The following GDAP1 variants were observed in gnomAD, a reference collection of about 807,000 sequenced individuals.
GDAP1 encodes the protein ganglioside-induced differentiation-associated protein 1.
In GDAP1, 34 loss-of-function variants were observed where a neutral mutation model predicts 40.1. That is an observed-to-expected ratio of 0.85 (90% CI 0.64 to 1.13). The LOEUF (loss-of-function observed/expected upper bound fraction) is 1.13. GDAP1 is among the 50% of genes most tolerant of loss of function. The pLI is 0.00. For missense variants in GDAP1, 374 were observed against 433.7 expected, an observed-to-expected ratio of 0.86 and a Z score of 1.22; for synonymous variants, 170 against 157.4, an observed-to-expected ratio of 1.08 and a Z score of -0.60.
At chr8:74,468,171 G>A (rs573356074) in intron 2 of GDAP1, among the ~76,000 whole-genome samples, 3 of 151,390 alleles carry the variant, frequency 2.0e-5, no homozygotes, top group Non-Finnish European at 4.4e-5. Flanking sequence ...AATTACGGTG[G>A]TGTTTTAATA....
intron 2 of GDAP1, among the ~76,000 whole-genome samples, chr8:74,435,711 T>C (rs1363227563): frequency 1.3e-5 from 2 of 152,230 alleles, no homozygotes; most frequent in African/African-American, 2.4e-5. Flanking sequence ...CCATATTGAA[T>C]CTCACAAAGA....
intron 2 of GDAP1, among the ~76,000 whole-genome samples, chr8:74,373,688 T>C (rs986552630): frequency 1.3e-5 from 2 of 152,208 alleles, no homozygotes; most frequent in African/African-American, 4.8e-5. Flanking sequence ...AAATATATAA[T>C]CATGTCATCT....
chr8:74,389,814 A>G (rs1255910408), intron 2 of GDAP1, among the ~76,000 whole-genome samples: 1 of 152,160 alleles, frequency 6.6e-6, no homozygotes, highest in Non-Finnish European at 1.5e-5. Context: ...AGGTACACCA[A>G]TCAATTGTAG....
At chr8:74,372,746 G>C (rs941093220) in intron 2 of GDAP1, among the ~76,000 whole-genome samples, 4 of 152,132 alleles carry the variant, frequency 2.6e-5, no homozygotes, top group African/African-American at 9.7e-5. Flanking sequence ...AGTTTCTTTT[G>C]CTGTGCAGAA....
chr8:74,392,197 G>T (rs1406129958), intron 2 of GDAP1, among the ~76,000 whole-genome samples: 1 of 152,112 alleles, frequency 6.6e-6, no homozygotes, highest in Non-Finnish European at 1.5e-5. Context: ...TAGTTTATTT[G>T]ATTTATCTCC....
intron 4 of GDAP1, 65 bp from the exon 5 acceptor site, chr8:74,362,874 C>A: frequency 3.4e-6 from 2 of 589,298 alleles, no homozygotes; most frequent in Non-Finnish European, 6.4e-6. Flanking sequence ...ATCTGCTTTA[C>A]CTAGATTTAT....
At chr8:74,434,215 C>T (rs1806061074) in intron 2 of GDAP1, among the ~76,000 whole-genome samples, 1 of 152,140 alleles carries the variant, frequency 6.6e-6, no homozygotes, top group Non-Finnish European at 1.5e-5. Context: ...GGGACTGTTC[C>T]CTCAGACTGT....
chr8:74,351,804 G>A (rs1808888916), intron 2 of GDAP1, among the ~76,000 whole-genome samples: 1 of 152,122 alleles, frequency 6.6e-6, no homozygotes, highest in Non-Finnish European at 1.5e-5. Flanking sequence ...GCACTGTGAC[G>A]ATTTCATCTA....
intron 2 of GDAP1, among the ~76,000 whole-genome samples, chr8:74,438,781 TG>T (rs1249297429): frequency 6.6e-6 from 1 of 152,124 alleles, no homozygotes; most frequent in Non-Finnish European, 1.5e-5. Context: ...TTGTTATTTT[TG>T]TAGAGATGGA....
chr8:74,367,674 A>G (rs1809684157), downstream of GDAP1, among the ~76,000 whole-genome samples: 1 of 152,210 alleles, frequency 6.6e-6, no homozygotes, highest in South Asian at 2.1e-4. Flanking sequence ...ATTTTATAAT[A>G]CTCCAGAACA....
At chr8:74,410,226 G>A (rs1278677149) in intron 2 of GDAP1, among the ~76,000 whole-genome samples, 2 of 149,962 alleles carry the variant, frequency 1.3e-5, no homozygotes, top group African/African-American at 5.1e-5. Flanking sequence ...AAGACGTGAA[G>A]TCTGCTGAAA....
chr8:74,409,597 C>T (rs571552451), intron 2 of GDAP1, among the ~76,000 whole-genome samples: 3 of 150,144 alleles, frequency 2.0e-5, no homozygotes, highest in Non-Finnish European at 4.4e-5. Context: ...AAATGATCCA[C>T]CTGCTTCAGC....
At chr8:74,480,876 A>C (rs1427494634) in intron 2 of GDAP1, among the ~76,000 whole-genome samples, 1 of 152,192 alleles carries the variant, frequency 6.6e-6, no homozygotes, top group Non-Finnish European at 1.5e-5. Flanking sequence ...GTTTTAAGCC[A>C]TTCAGGTAAT....
At chr8:74,478,463 A>G (rs1202560630) in intron 2 of GDAP1, among the ~76,000 whole-genome samples, 2 of 151,998 alleles carry the variant, frequency 1.3e-5, no homozygotes, top group Admixed American at 6.5e-5. Context: ...CAGCCAGCAC[A>G]GGAGCTATGA....
chr8:74,463,533 A>G (rs916164130), intron 2 of GDAP1, among the ~76,000 whole-genome samples: 2 of 152,118 alleles, frequency 1.3e-5, no homozygotes, highest in Non-Finnish European at 2.9e-5. Flanking sequence ...AAGTGGATCA[A>G]AGGATTCTTG....
chr8:74,481,712 C>T (rs775914743), intron 2 of GDAP1, among the ~76,000 whole-genome samples: 4 of 152,096 alleles, frequency 2.6e-5, no homozygotes, highest in African/African-American at 4.8e-5. Flanking sequence ...AAAATTGGCT[C>T]CTCAGTGTAT....
intron 2 of GDAP1, among the ~76,000 whole-genome samples, chr8:74,442,002 A>G (rs1276229220): frequency 6.6e-6 from 1 of 152,148 alleles, no homozygotes; most frequent in African/African-American, 2.4e-5. Context: ...TTCTTAGTCT[A>G]TTATTTCTGT....
chr8:74,436,031 T>G (rs1806084392), intron 2 of GDAP1, among the ~76,000 whole-genome samples: 1 of 152,226 alleles, frequency 6.6e-6, no homozygotes, highest in South Asian at 2.1e-4. Flanking sequence ...TGAAAACACT[T>G]TAAGCTGTTA....
In GDAP1 at chr8:74,376,524, AT is replaced by A. The variant is rs563875001; in HGVS notation, c.165+25209del. On this transcript the variant is annotated intron_variant, in intron 2 of 2. Transcript: ENST00000523640. ...CCACCAAGCCCGGCTAATTTTTTGT[AT>A]TTTTTAGTAGAGACAGGGTTTCACT... Among the ~76,000 whole-genome samples, 13 of 151,872 alleles carry A rather than the reference AT, an allele frequency of 8.6e-5. No homozygotes were observed. In the South Asian group the frequency reaches 1.0e-3, roughly 12 times the overall value.
Sources: gnomAD v4.1 joint callset for allele counts (sites outside exome capture counted in the v4.1 genomes callset) on GRCh38, gnomAD v4.1.1 for gene constraint, MANE v1.5 for transcripts, NCBI Gene and HGNC (gene_info 2026-07-23, HGNC 2026-07-21) for gene names.